The following BZW2 variants were observed in gnomAD, a reference collection of about 807,000 sequenced individuals.
The protein encoded by BZW2 is eIF5-mimic protein 1.
In BZW2, 23 loss-of-function variants were observed where a neutral mutation model predicts 53.2. That is an observed-to-expected ratio of 0.43 (90% CI 0.31 to 0.61). The LOEUF is 0.61. BZW2 is among the 20% of genes least tolerant of loss of function. The pLI is 0.09. For missense variants in BZW2, 409 were observed against 503.1 expected, an observed-to-expected ratio of 0.81 and a Z score of 1.79; for synonymous variants, 227 against 186.4, an observed-to-expected ratio of 1.22 and a Z score of -1.77.
In BZW2 at chr7:16,697,091, G is replaced by A. The variant is rs989216156; in HGVS notation, c.969+30G>A. The A allele has an allele frequency of 2.5e-6, 4 of 1,602,556 alleles. No individual in the cohort carries two copies. The African/African-American group carries it at 4.0e-5, about 16-fold the overall frequency. ...CAGCCCTTAGCAAGGAACTGACCCA[G>A]CCAAGGGCAAACTGCAGCTTTTTTT... On this transcript the variant is annotated intron_variant, in intron 9 of 11. Coordinates refer to ENST00000258761, the MANE Select transcript of BZW2 (RefSeq NM_014038.3).
chr7:16,662,261 TTTTG>T (rs1327523691), intron 1 of BZW2: 11 of 152,102 alleles, frequency 7.2e-5, no homozygotes, highest in African/African-American at 2.7e-4. Flanking sequence ...GTGGGTGAGT[TTTTG>T]TTTGTTTGTG....
intron 7 of BZW2, among the ~76,000 whole-genome samples, chr7:16,691,814 G>A (rs1783316706): frequency 6.6e-6 from 1 of 152,054 alleles, no homozygotes; most frequent in African/African-American, 2.4e-5. Flanking sequence ...TAATTAGATG[G>A]CTTCATTTAT....
chr7:16,682,983 G>T (rs1397938439), intron 5 of BZW2, 138 bp downstream of exon 5: 3 of 411,304 alleles, frequency 7.3e-6, no homozygotes, highest in Non-Finnish European at 1.3e-5. Context: ...GGGTCACAAG[G>T]TCAGGAGTTT....
chr7:16,658,731 C>G (rs184965886), intron 1 of BZW2, among the ~76,000 whole-genome samples: 1 of 151,774 alleles, frequency 6.6e-6, no homozygotes, highest in Non-Finnish European at 1.5e-5. Context: ...AAAAATTAGC[C>G]GGGCATGGTG....
chr7:16,693,337 T>C (rs1783377255), intron 7 of BZW2, among the ~76,000 whole-genome samples: 1 of 152,256 alleles, frequency 6.6e-6, no homozygotes, highest in Non-Finnish European at 1.5e-5. Flanking sequence ...TGATTTTCAA[T>C]GTATTATATA....
intron 2 of BZW2, among the ~76,000 whole-genome samples, chr7:16,671,137 C>T (rs1583716297): frequency 6.6e-6 from 1 of 152,148 alleles, no homozygotes; most frequent in East Asian, 1.9e-4. Flanking sequence ...AGTAGATATG[C>T]CTTTTCTACT....
intron 3 of BZW2, among the ~76,000 whole-genome samples, chr7:16,678,700 A>T (rs1416973767): frequency 6.6e-6 from 1 of 152,186 alleles, no homozygotes; most frequent in Non-Finnish European, 1.5e-5. Flanking sequence ...AGTTTGTTCC[A>T]TATCAGGGGA....
chr7:16,683,348 T>G (rs892445175), intron 5 of BZW2, among the ~76,000 whole-genome samples: 2 of 152,192 alleles, frequency 1.3e-5, no homozygotes, highest in Admixed American at 1.3e-4. Context: ...TAGGAAGAAA[T>G]ATGTGATTAT....
chr7:16,668,151 G>C (rs548062936), intron 2 of BZW2, among the ~76,000 whole-genome samples: 5 of 152,284 alleles, frequency 3.3e-5, no homozygotes, highest in East Asian at 1.9e-4. Context: ...TAATCTCAGA[G>C]CTGGATCTCC....
chr7:16,658,701 C>A (rs1205098289), intron 1 of BZW2, among the ~76,000 whole-genome samples: 2 of 151,774 alleles, frequency 1.3e-5, no homozygotes, highest in Non-Finnish European at 2.9e-5. Flanking sequence ...ATAGTGAAAC[C>A]CCGTCTGTAC....
At chr7:16,675,878 G>A (rs375572380) in intron 3 of BZW2, among the ~76,000 whole-genome samples, 2 of 152,096 alleles carry the variant, frequency 1.3e-5, no homozygotes, top group Non-Finnish European at 2.9e-5. Flanking sequence ...TCAGGAGTTC[G>A]AGACCAGCTT....
At chr7:16,689,650 A>G (rs1455226439) in intron 6 of BZW2, 147 bp from the exon 7 acceptor site, 1 of 494,686 alleles carries the variant, frequency 2.0e-6, no homozygotes, top group Non-Finnish European at 3.5e-6. Context: ...GAAGAGGAGA[A>G]TTTGCCTAGA....
intron 11 of BZW2, among the ~76,000 whole-genome samples, chr7:16,705,846 A>G (rs191618910): frequency 6.6e-6 from 1 of 151,614 alleles, no homozygotes. Flanking sequence ...ATATGTATGC[A>G]TGTTGCATTT....
intron 1 of BZW2, among the ~76,000 whole-genome samples, chr7:16,651,303 A>G (rs977651324): frequency 1.3e-5 from 2 of 152,260 alleles, no homozygotes; most frequent in South Asian, 4.1e-4. Flanking sequence ...ATAAATCTCA[A>G]GAAAAGCCCT....
At chr7:16,670,871 G>T (rs1053641472) in intron 2 of BZW2, among the ~76,000 whole-genome samples, 2 of 152,086 alleles carry the variant, frequency 1.3e-5, no homozygotes, top group Non-Finnish European at 2.9e-5. Context: ...GATGAATATT[G>T]TCCCAGTTAA....
intron 1 of BZW2, 115 bp from the exon 2 acceptor site, chr7:16,665,322 G>A: frequency 2.5e-6 from 3 of 1,212,912 alleles, no homozygotes; most frequent in Non-Finnish European, 3.6e-6. Flanking sequence ...AAAAAAAAGA[G>A]GCATATTCAG....
rs1461040694 is a variant in BZW2, at chr7:16,705,522, A to G, written c.1232-538A>G. On this transcript the variant is annotated intron_variant, in intron 11 of 11. Transcript: ENST00000258761. ...AACACAGTGAAACCGTGTCTCTACT[A>G]AAAATATAAAAAATTAGCCGGGCAT... Among the ~76,000 whole-genome samples, 10 of 151,886 alleles carry G rather than the reference A, an allele frequency of 6.6e-5. No individual in the cohort carries two copies. The East Asian group carries it at 1.6e-3, about 24-fold the overall frequency.
At chr7:16,655,155 C>A (rs1460181135) in intron 1 of BZW2, among the ~76,000 whole-genome samples, 1 of 152,096 alleles carries the variant, frequency 6.6e-6, no homozygotes, top group African/African-American at 2.4e-5. Context: ...AAAATTAAAT[C>A]CTCTATCAAA....
intron 1 of BZW2, among the ~76,000 whole-genome samples, chr7:16,656,553 G>GCACACACACACA (rs1301100071): frequency 2.2e-4 from 26 of 119,914 alleles, no homozygotes; most frequent in African/African-American, 9.4e-4. Context: ...CAGCGCGCGC[G>GCACACACACACA]CGCACACACA....
Sources: allele counts gnomAD v4.1 joint callset (sites outside exome capture counted in the v4.1 genomes callset), GRCh38; gene constraint gnomAD v4.1.1; transcripts MANE v1.5; gene names NCBI Gene and HGNC (gene_info 2026-07-23, HGNC 2026-07-21).